The following HOOK2 variants were observed in gnomAD, a reference collection of about 807,000 sequenced individuals.
HOOK2 encodes the protein hook microtubule tethering protein 2.
A neutral mutation model predicts 111.9 loss-of-function variants in HOOK2; 108 were observed. That is an observed-to-expected ratio of 0.96 (90% confidence interval 0.83 to 1.13). The LOEUF (loss-of-function observed/expected upper bound fraction) is 1.13, where lower values mean the gene tolerates loss of function less well. Ranked by LOEUF, HOOK2 falls within the 50% of genes most tolerant of loss-of-function variation. The pLI is 0.00. For missense variants in HOOK2, 978 were observed against 951.3 expected, an observed-to-expected ratio of 1.03 and a Z score of -0.37; for synonymous variants, 405 against 394.3, an observed-to-expected ratio of 1.03 and a Z score of -0.32.
intron 18 of HOOK2, 198 bp downstream of exon 18, chr19:12,765,491 TA>T (rs1267560581): frequency 3.5e-5 from 24 of 692,524 alleles, no homozygotes; most frequent in African/African-American, 5.4e-5. Flanking sequence ...CTCATGCCTG[TA>T]ATCCCAGCAC....
chr19:12,781,841 G>GTT (rs776187814), upstream of HOOK2, among the ~76,000 whole-genome samples: 4 of 144,754 alleles, frequency 2.8e-5, no homozygotes, highest in African/African-American at 2.5e-5. Flanking sequence ...CCCTGTTCCT[G>GTT]TTTTTTTTTT....
chr19:12,784,385 G>A (rs1375813625), intron 3 of HOOK2, among the ~76,000 whole-genome samples: 2 of 152,046 alleles, frequency 1.3e-5, no homozygotes, highest in African/African-American at 4.8e-5. Context: ...TGTCACACAT[G>A]GACACAGTGA....
In HOOK2 at chr19:12,771,378, G is replaced by C; in HGVS notation, c.600+19C>G. The C allele has an allele frequency of 6.2e-7, 1 of 1,611,204 alleles. No homozygotes were observed. The highest frequency in any genetic ancestry group is 1.3e-5 in the African/African-American group (1 of 75,016). On this transcript the variant is annotated intron_variant, in intron 8 of 22. Coordinates refer to ENST00000397668, the MANE Select transcript of HOOK2 (RefSeq NM_013312.3). ...GGAGAGGGGCTACTCAAGTGACCCTGCCCCACCTAGGGCCCTACCTGCCGC... is the reference window on the plus strand; with the variant it reads ...GGAGAGGGGCTACTCAAGTGACCCTCCCCCACCTAGGGCCCTACCTGCCGC...
Position 12,764,801 on chromosome 19 carries a change from C to G in HOOK2, c.1827+13G>C. On this transcript the variant is annotated intron_variant, in intron 20 of 22. Coordinates refer to ENST00000397668, the MANE Select transcript of HOOK2 (RefSeq NM_013312.3). ...CAGGGCAGGCAACTTGTGGGAACAC[C>G]CAGCGTCCTCACCATGCGGGCCTTG... The G allele has an allele frequency of 6.2e-7, 1 of 1,608,664 alleles. No homozygotes were observed. Among genetic ancestry groups the G allele is most frequent in the Non-Finnish European group, 8.5e-7 (1 of 1,176,582 alleles).
Position 12,771,284 on chromosome 19 carries a change from C to A in HOOK2, c.636G>T (p.Ala212=), listed in dbSNP as rs750997694. 3 of 1,603,654 alleles carry A rather than the reference C, an allele frequency of 1.9e-6. No homozygotes were observed. In the African/African-American group the frequency reaches 4.0e-5, roughly 21 times the overall value. Residue 212 remains alanine, a synonymous_variant, in exon 9 of 23, where the codon GCG becomes GCT. Coordinates refer to ENST00000397668, the MANE Select transcript of HOOK2 (RefSeq NM_013312.3). ...MLLSEEKQSL[A]QENAGLRERM... ...GCTCCCGCAGCCCTGCATTCTCTTG[C>A]GCCAGGCTCTGCTTCTCCTCTGACA...
rs1968117089 is a variant in HOOK2, at chr19:12,765,406, C to A, written c.1640+284G>T. On this transcript the variant is annotated intron_variant, in intron 18 of 22. Transcript: ENST00000397668. The stretch of plus-strand genomic sequence containing the variant: ...ACTCTCAAGCACTCCATCCAGCAGC[C>A]AGGGATCTTTCTAGAATACAAATCT... The A allele has an allele frequency of 6.8e-6, 4 of 585,992 alleles. 1 individual carries two copies. The highest frequency in any genetic ancestry group is 1.2e-5 in the Non-Finnish European group (4 of 328,360). The allele number at this position is 585,992 out of a possible 1,614,324, so 36.3% of individuals were successfully genotyped here. A position where few individuals can be genotyped will look rare whatever the true frequency, so the allele number is the denominator to read the frequency against.
intron 3 of HOOK2, among the ~76,000 whole-genome samples, chr19:12,784,303 CAGAG>C (rs1429198698): frequency 1.3e-5 from 2 of 151,990 alleles, no homozygotes; most frequent in African/African-American, 4.8e-5. Context: ...ACCTTGGCCA[CAGAG>C]AGACTGCCAG....
chr19:12,784,907 T>C (rs752118273), intron 3 of HOOK2: 15 of 152,246 alleles, frequency 9.9e-5, no homozygotes, highest in Non-Finnish European at 2.1e-4. Flanking sequence ...CCACCACTGT[T>C]GCACACACAT....
chr19:12,787,638 AC>A (rs1968670410), intron 3 of HOOK2, among the ~76,000 whole-genome samples: 1 of 150,692 alleles, frequency 6.6e-6, no homozygotes, highest in Admixed American at 6.6e-5. Context: ...TCTCAAAAAA[AC>A]AAAACAAAAC....
At chr19:12,767,694 TTCTG>T (rs1968195975) in intron 13 of HOOK2, 118 bp downstream of exon 13, 1 of 963,306 alleles carries the variant, frequency 1.0e-6, no homozygotes, top group Non-Finnish European at 1.5e-6. Context: ...TGTCACCTCT[TTCTG>T]GTCACCTCCA....
chr19:12,763,484 AAT>A lies in HOOK2; in HGVS notation c.2010+42_2010+43del. The A allele has an allele frequency of 1.9e-6, 3 of 1,613,870 alleles. No homozygotes were observed. The South Asian group carries it at 3.3e-5, about 18-fold the overall frequency. On this transcript the variant is annotated intron_variant, in intron 22 of 22. Coordinates refer to ENST00000397668, the MANE Select transcript of HOOK2 (RefSeq NM_013312.3). ...GGTGAGCTCACAGGACCCCCCCACC[AAT>A]ATTCTACCCATGAGATCTTAGAGCC...
chr19:12,763,143 C>CA lies in HOOK2; in HGVS notation c.*138dup. ...ATATCTACCTCCCGCCCTCCCTCCCCACCAATCTGGGAGAGGGAAGAGCAG... is the reference window on the plus strand; with the variant it reads ...ATATCTACCTCCCGCCCTCCCTCCCCAACCAATCTGGGAGAGGGAAGAGCAG... On this transcript the variant is annotated 3_prime_UTR_variant, in exon 23 of 23. Transcript: ENST00000397668. The CA allele has an allele frequency of 1.3e-6, 1 of 770,136 alleles. No homozygotes were observed. 47.7% of individuals were successfully genotyped at this position (770,136 alleles called of 1,614,324 possible).
At chr19:12,768,236 C>G in intron 11 of HOOK2, 113 bp from the exon 12 acceptor site, 1 of 830,008 alleles carries the variant, frequency 1.2e-6, no homozygotes, top group Non-Finnish European at 1.9e-6. Flanking sequence ...TTTGACTTTA[C>G]TATGGTGCTT....
chr19:12,768,861 G>A (rs1285984822), intron 11 of HOOK2, among the ~76,000 whole-genome samples: 2 of 151,664 alleles, frequency 1.3e-5, no homozygotes, highest in South Asian at 2.1e-4. Flanking sequence ...GCAGTGATGC[G>A]ATCTTGGCTT....
At position 12,765,597 on chromosome 19, in the gene HOOK2, A is replaced by G. The variant is rs1057245351; in HGVS notation, c.1640+93T>C. On this transcript the variant is annotated intron_variant, in intron 18 of 22. Transcript: ENST00000397668. ...ACCCCGTCTCTACTAAAAATATAAA[A>G]AATCAGCCAGGCATGGTGGCACATG... The G allele has an allele frequency of 3.3e-6, 5 of 1,510,776 alleles. No homozygotes were observed. The African/African-American group carries it at 6.9e-5, about 21-fold the overall frequency. The allele number at this position is 1,510,776 out of a possible 1,614,324, so 93.6% of individuals were successfully genotyped here.
chr19:12,781,480 C>G (rs189690657), upstream of HOOK2, among the ~76,000 whole-genome samples: 86 of 151,510 alleles, frequency 5.7e-4, no homozygotes, highest in East Asian at 0.013. Context: ...GCGCCCGCCA[C>G]TACGCCTGGC....
intron 15 of HOOK2, 42 bp downstream of exon 15, chr19:12,766,061 C>T (rs1555726221): frequency 6.2e-7 from 1 of 1,607,372 alleles, no homozygotes; most frequent in Admixed American, 1.7e-5. Flanking sequence ...CTTTTGGCCC[C>T]CTCTGTCCCT....
At chr19:12,774,775 G>A (rs1968445231) in intron 2 of HOOK2, 34 bp from the exon 3 acceptor site, 2 of 1,612,962 alleles carry the variant, frequency 1.2e-6, no homozygotes. Context: ...GCAGACTGGG[G>A]GACACTTTTG....
At position 12,763,217 on chromosome 19, in the gene HOOK2, G is replaced by A. The variant is rs1968046954; in HGVS notation, c.*65C>T. 2 of 1,567,598 alleles carry A rather than the reference G, an allele frequency of 1.3e-6. No homozygotes were observed. Among genetic ancestry groups the A allele is most frequent in the Non-Finnish European group, 1.7e-6 (2 of 1,150,434 alleles). ...AGCACCTGGCTGAAGCCCAGTGCTG[G>A]GCGCCATGTGAGCTGGAGGAAGCCA... On this transcript the variant is annotated 3_prime_UTR_variant, in exon 23 of 23. Coordinates refer to ENST00000397668, the MANE Select transcript of HOOK2 (RefSeq NM_013312.3).
Sources: gnomAD v4.1 joint callset for allele counts (sites outside exome capture counted in the v4.1 genomes callset) on GRCh38, gnomAD v4.1.1 for gene constraint, MANE v1.5 for transcripts, NCBI Gene and HGNC (gene_info 2026-07-23, HGNC 2026-07-21) for gene names.